Variants in SPIDR observed in about 807,000 individuals in gnomAD.
SPIDR encodes the protein DNA repair-scaffolding protein.
Under a neutral mutation model 104.6 loss-of-function variants are expected in SPIDR, and 93 were observed. The observed-to-expected ratio is 0.89, with a 90% CI of 0.75 to 1.06. The LOEUF is 1.06. Among genes scored for constraint, SPIDR ranks in the 50% least tolerant of loss-of-function variants. SPIDR has a pLI of 0.00. For synonymous variants in SPIDR, 431 were observed against 416.9 expected, an observed-to-expected ratio of 1.03 and a Z score of -0.41; for missense variants, 1,154 against 1,111.2, an observed-to-expected ratio of 1.04 and a Z score of -0.55.
At chr8:47,625,000 C>G (rs1425214610) in intron 10 of SPIDR, among the ~76,000 whole-genome samples, 4 of 152,182 alleles carry the variant, frequency 2.6e-5, no homozygotes, top group African/African-American at 9.7e-5. Flanking sequence ...AAAATACTGG[C>G]AAATCGAATC....
intron 9 of SPIDR, among the ~76,000 whole-genome samples, chr8:47,598,002 C>G (rs778615702): frequency 1.5e-4 from 23 of 152,000 alleles, no homozygotes; most frequent in Non-Finnish European, 2.4e-4. Flanking sequence ...GCCAGCCAGT[C>G]AAGCAAAATC....
At chr8:47,314,554 A>G (rs2044894305) in intron 5 of SPIDR, among the ~76,000 whole-genome samples, 1 of 152,136 alleles carries the variant, frequency 6.6e-6, no homozygotes, top group Non-Finnish European at 1.5e-5. Context: ...ACAGAATGAG[A>G]GCAAAGTTGG....
chr8:47,279,000 G>A (rs1285960733), intron 1 of SPIDR, among the ~76,000 whole-genome samples: 1 of 151,394 alleles, frequency 6.6e-6, no homozygotes, highest in African/African-American at 2.4e-5. Context: ...GATCCTCCTG[G>A]TTCAGCCTCC....
intron 10 of SPIDR, among the ~76,000 whole-genome samples, chr8:47,610,203 C>G (rs768984100): frequency 1.3e-5 from 2 of 152,150 alleles, no homozygotes; most frequent in Non-Finnish European, 2.9e-5. Flanking sequence ...AGTCTCCCTA[C>G]TCTTCCCACC....
intron 5 of SPIDR, among the ~76,000 whole-genome samples, chr8:47,395,539 G>A (rs1554657786): frequency 2.0e-5 from 3 of 152,162 alleles, no homozygotes; most frequent in South Asian, 2.1e-4. Context: ...AATAACATGG[G>A]ATTGACCTAT....
chr8:47,469,586 T>C (rs1554719595), intron 8 of SPIDR, among the ~76,000 whole-genome samples: 1 of 151,744 alleles, frequency 6.6e-6, no homozygotes, highest in Non-Finnish European at 1.5e-5. Flanking sequence ...TGAATGGAGC[T>C]AGAGACTATT....
chr8:47,270,593 T>A (rs1414919500), intron 1 of SPIDR, among the ~76,000 whole-genome samples: 1 of 149,314 alleles, frequency 6.7e-6, no homozygotes, highest in Non-Finnish European at 1.5e-5. Flanking sequence ...AGGAACTAAC[T>A]TTTTTTTTTA....
chr8:47,551,209 A>G (rs2090407429), intron 8 of SPIDR, among the ~76,000 whole-genome samples: 2 of 152,212 alleles, frequency 1.3e-5, no homozygotes, highest in Non-Finnish European at 2.9e-5. Context: ...GATGTTCATC[A>G]GGGATATTGG....
chr8:47,497,504 G>A (rs1162185033), intron 8 of SPIDR, among the ~76,000 whole-genome samples: 1 of 152,100 alleles, frequency 6.6e-6, no homozygotes, highest in Non-Finnish European at 1.5e-5. Flanking sequence ...ACATCTTTGT[G>A]AATTTTCCAA....
At chr8:47,668,840 A>G (rs1204638335) in intron 10 of SPIDR, among the ~76,000 whole-genome samples, 1 of 152,216 alleles carries the variant, frequency 6.6e-6, no homozygotes, top group African/African-American at 2.4e-5. Context: ...AACACCATTT[A>G]AAATAGAACA....
chr8:47,349,123 A>G (rs2052861648), intron 5 of SPIDR, among the ~76,000 whole-genome samples: 2 of 152,224 alleles, frequency 1.3e-5, no homozygotes, highest in African/African-American at 2.4e-5. Context: ...GGTGACCTAC[A>G]GATGGGGTTT....
At chr8:47,429,024 A>G (rs1002943950) in intron 7 of SPIDR, among the ~76,000 whole-genome samples, 2 of 152,174 alleles carry the variant, frequency 1.3e-5, no homozygotes, top group Non-Finnish European at 2.9e-5. Flanking sequence ...GTGAGCCAGA[A>G]GATTTTGCGT....
chr8:47,619,718 G>A (rs986674964), intron 10 of SPIDR, among the ~76,000 whole-genome samples: 2 of 151,244 alleles, frequency 1.3e-5, no homozygotes, highest in African/African-American at 4.9e-5. Context: ...TGATTTTCCT[G>A]CTTCAGCCTC....
chr8:47,291,903 C>T (rs2154238359), intron 4 of SPIDR, among the ~76,000 whole-genome samples: 1 of 152,298 alleles, frequency 6.6e-6, no homozygotes, highest in South Asian at 2.1e-4. Context: ...AGTTTCTCAT[C>T]CTTGACACTC....
chr8:47,455,509 A>G (rs1254593332), intron 8 of SPIDR, among the ~76,000 whole-genome samples: 1 of 152,156 alleles, frequency 6.6e-6, no homozygotes, highest in African/African-American at 2.4e-5. Flanking sequence ...GGCATAAGGA[A>G]AAAGTGAATT....
At chr8:47,515,171 T>G (rs2082928476) in intron 8 of SPIDR, among the ~76,000 whole-genome samples, 1 of 152,202 alleles carries the variant, frequency 6.6e-6, no homozygotes, top group Non-Finnish European at 1.5e-5. Context: ...TCTAGTGTGC[T>G]TTCTGACAAT....
At chr8:47,685,795 G>T (rs964886559) in intron 11 of SPIDR, among the ~76,000 whole-genome samples, 1 of 151,898 alleles carries the variant, frequency 6.6e-6, no homozygotes, top group East Asian at 2.0e-4. Flanking sequence ...CTCATGATTT[G>T]CCCACCTCGG....
rs910216137 is a variant in SPIDR at position 47,612,266 on chromosome 8, G to A, written c.1544+13070G>A. Among the ~76,000 whole-genome samples, 34 of 152,132 alleles carry A rather than the reference G, an allele frequency of 2.2e-4. 1 individual carries two copies. Among genetic ancestry groups the A allele is most frequent in the Admixed American group, 1.0e-3 (16 of 15,266 alleles). ...TGCACACAGGTAAGTTAAATAGAAC[G>A]CTGACTACTCTGGAATCCCACAGAC... On this transcript the variant is annotated intron_variant, in intron 10 of 19. Coordinates refer to ENST00000297423, the MANE Select transcript of SPIDR (RefSeq NM_001080394.4).
intron 16 of SPIDR, among the ~76,000 whole-genome samples, chr8:47,722,195 T>C (rs572500204): frequency 2.0e-5 from 3 of 152,240 alleles, no homozygotes; most frequent in Non-Finnish European, 4.4e-5. Context: ...TTGAGTTTCA[T>C]AGGAAAACAA....
Sources: gnomAD v4.1 joint callset for allele counts (sites outside exome capture counted in the v4.1 genomes callset) on GRCh38, gnomAD v4.1.1 for gene constraint, MANE v1.5 for transcripts, NCBI Gene and HGNC (gene_info 2026-07-23, HGNC 2026-07-21) for gene names.